EFR3B: variants seen among roughly 807,000 people sequenced by gnomAD.
EFR3B encodes EFR3 homolog B, also known as protein EFR3 homolog B.
In EFR3B, 64 loss-of-function variants were observed where a neutral mutation model predicts 104.7. The ratio of observed to expected loss-of-function variants is 0.61; its 90% CI spans 0.50 to 0.75. The LOEUF is 0.75. Among genes scored for constraint, EFR3B ranks in the 30% least tolerant of loss-of-function variants. EFR3B has a pLI of 0.00. For synonymous variants in EFR3B, 385 were observed against 417.9 expected, an observed-to-expected ratio of 0.92 and a Z score of 0.96; for missense variants, 750 against 1,078.5, an observed-to-expected ratio of 0.70 and a Z score of 4.27.
chr2:25,103,343 T>C lies in EFR3B; in HGVS notation c.213-294T>C, dbSNP rs79144705. Among the ~76,000 whole-genome samples the C allele has an allele frequency of 0.018, 2,773 of 152,332 alleles. 237 individuals are homozygous for C. In the East Asian group the frequency reaches 0.27, roughly 15 times the overall value. ...TATTGTGAGCATCAATCTTGCTCTT[T>C]GTGTTGACTCATGAAATGCTCTATC... On this transcript the variant is annotated intron_variant, in intron 3 of 22. Transcript: ENST00000403714.
At chr2:25,054,771 A>G (rs1008870597) in intron 1 of EFR3B, among the ~76,000 whole-genome samples, 7 of 152,186 alleles carry the variant, frequency 4.6e-5, no homozygotes, top group African/African-American at 1.7e-4. Flanking sequence ...GGGCTCCTGC[A>G]ATACTGAGGA....
chr2:25,092,869 C>G (rs759472679), intron 2 of EFR3B, 134 bp from the exon 3 acceptor site: 40 of 1,146,050 alleles, frequency 3.5e-5, no homozygotes, highest in Non-Finnish European at 4.4e-5. Context: ...GTCTCTGAAA[C>G]CCACATGTGC....
At chr2:25,085,853 C>T (rs1365933151) in intron 1 of EFR3B, among the ~76,000 whole-genome samples, 1 of 150,682 alleles carries the variant, frequency 6.6e-6, no homozygotes, top group Non-Finnish European at 1.5e-5. Context: ...TGCCTGGCTT[C>T]ATATATTTAT....
rs767234702 is a variant in EFR3B, at chr2:25,136,481, C to T, written c.1485-42C>T. On this transcript the variant is annotated intron_variant, in intron 13 of 22. Transcript: ENST00000403714. The surrounding 1 kb of genome is among the most constrained non-coding windows in gnomAD (Gnocchi z 4.0). ...GTGACCCCGTGTGAGCTCAGGCTGG[C>T]CTCATGCAAGGGCTAAGGAGGCCCT... The T allele has an allele frequency of 1.3e-6, 2 of 1,507,382 alleles. No individual in the cohort carries two copies. The highest frequency in any genetic ancestry group is 2.4e-5 in the South Asian group (2 of 83,224). The allele number at this position is 1,507,382 out of a possible 1,614,324, so 93.4% of individuals were successfully genotyped here. A position where few individuals can be genotyped will look rare whatever the true frequency, so the allele number is the denominator to read the frequency against.
intron 1 of EFR3B, among the ~76,000 whole-genome samples, chr2:25,047,743 G>A (rs537901621): frequency 4.6e-5 from 7 of 152,138 alleles, no homozygotes; most frequent in South Asian, 2.1e-4. Flanking sequence ...ACACTGATAC[G>A]CTCACCTTGG....
intron 1 of EFR3B, among the ~76,000 whole-genome samples, chr2:25,091,020 C>T (rs576842762): frequency 1.3e-5 from 2 of 152,298 alleles, no homozygotes; most frequent in African/African-American, 2.4e-5. Flanking sequence ...CTCCCACCCA[C>T]GAAGCCTCAC....
At chr2:25,116,729 C>A (rs1050380032) in intron 4 of EFR3B, among the ~76,000 whole-genome samples, 5 of 151,412 alleles carry the variant, frequency 3.3e-5, no homozygotes, top group African/African-American at 1.2e-4. Flanking sequence ...AAGGAGAGAG[C>A]AAGGGAGTTT....
chr2:25,066,115 C>G (rs1338111945), intron 1 of EFR3B, among the ~76,000 whole-genome samples: 2 of 152,024 alleles, frequency 1.3e-5, no homozygotes, highest in Non-Finnish European at 2.9e-5. Flanking sequence ...GATATCCCCC[C>G]ACCTCCCCAC....
At chr2:25,047,718 C>T (rs751085941) in intron 1 of EFR3B, among the ~76,000 whole-genome samples, 5 of 151,998 alleles carry the variant, frequency 3.3e-5, no homozygotes, top group East Asian at 3.9e-4. Flanking sequence ...AGGCTAGTCT[C>T]GAACTCCTGA....
chr2:25,131,931 C>CG lies in EFR3B; in HGVS notation c.1147+24dup. The CG allele has an allele frequency of 1.5e-6, 1 of 669,412 alleles. No homozygotes were observed. The highest frequency in any genetic ancestry group is 1.8e-6 in the Non-Finnish European group (1 of 543,638). 41.5% of individuals were successfully genotyped at this position (669,412 alleles called of 1,614,324 possible). ...CCGTGGGTGCGGCGCGGGGCCGGGCCGGGGCGGGGCGGGGCCGAGGCGCGG... is the reference window on the plus strand; with the variant it reads ...CCGTGGGTGCGGCGCGGGGCCGGGCCGGGGGCGGGGCGGGGCCGAGGCGCGG... On this transcript the variant is annotated intron_variant, in intron 10 of 22. Transcript: ENST00000403714. The surrounding 1 kb of genome is among the most constrained non-coding windows in gnomAD (Gnocchi z 7.6).
At chr2:25,123,373 AC>A (rs1425888465) in intron 5 of EFR3B, among the ~76,000 whole-genome samples, 1 of 151,740 alleles carries the variant, frequency 6.6e-6, no homozygotes, top group African/African-American at 2.4e-5. Flanking sequence ...AAAAAAAAAA[AC>A]AATTAATCAC....
At chr2:25,106,410 C>T (rs1669565191) in intron 4 of EFR3B, among the ~76,000 whole-genome samples, 1 of 151,998 alleles carries the variant, frequency 6.6e-6, no homozygotes, top group African/African-American at 2.4e-5. Flanking sequence ...CTACTTCAGC[C>T]TCTCCAGTAG....
At chr2:25,045,552 C>T (rs926001623) in intron 1 of EFR3B, among the ~76,000 whole-genome samples, 12 of 152,112 alleles carry the variant, frequency 7.9e-5, no homozygotes, top group South Asian at 2.1e-4. Context: ...GAGGCTGAGG[C>T]GGGCAGATCA....
chr2:25,059,581 G>C lies in EFR3B; in HGVS notation c.7+17262G>C, dbSNP rs796463853. 4.9e-3 allele frequency among the ~76,000 whole-genome samples: 680 copies of C among 139,996 alleles called. 50 individuals carry two copies. The highest frequency in any genetic ancestry group is 8.2e-3 in the Non-Finnish European group (532 of 64,896). 91.8% of individuals were successfully genotyped at this position (139,996 alleles called of 152,430 possible). On this transcript the variant is annotated intron_variant, in intron 1 of 22. Transcript: ENST00000403714. ...AGGTTACCAGGGACTGCGGGGGGGG[G>C]GGGGGTGGAGATTGGGGAATTGTTG...
intron 5 of EFR3B, among the ~76,000 whole-genome samples, chr2:25,127,181 G>A (rs1314826660): frequency 9.6e-6 from 1 of 104,620 alleles, no homozygotes; most frequent in Non-Finnish European, 1.7e-5. Flanking sequence ...GACAGAGCCA[G>A]ACTCCACCTC....
rs1189698703 is a variant in EFR3B at position 25,130,159 on chromosome 2, T to A, written c.770+50T>A. On this transcript the variant is annotated intron_variant, in intron 7 of 22. Transcript: ENST00000403714. This position sits in a 1 kb window ranked among gnomAD's most constrained non-coding sequence, Gnocchi z 4.6. ...GGCCCCAGCCTTCAGCCTGGATGTG[T>A]TTCAGGTCCCTGGCATCTCCTGGCT... 1 of 1,548,866 alleles carries A rather than the reference T, an allele frequency of 6.5e-7. No individual in the cohort carries two copies. The highest frequency in any genetic ancestry group is 8.7e-7 in the Non-Finnish European group (1 of 1,144,726).
chr2:25,052,496 CTTTTT>C (rs56005417), intron 1 of EFR3B, among the ~76,000 whole-genome samples: 1 of 95,710 alleles, frequency 1.0e-5, no homozygotes, highest in South Asian at 3.4e-4. Flanking sequence ...AGGCAGAATT[CTTTTT>C]TTTTTTTTTT....
At chr2:25,055,641 C>T (rs1667997002) in intron 1 of EFR3B, among the ~76,000 whole-genome samples, 1 of 152,198 alleles carries the variant, frequency 6.6e-6, no homozygotes, top group Non-Finnish European at 1.5e-5. Flanking sequence ...AAAAGAAATA[C>T]TGTTTGTACA....
chr2:25,135,359 G>C lies in EFR3B; in HGVS notation c.1312-108G>C, dbSNP rs928977461. 2.9e-5 allele frequency: 38 copies of C among 1,310,554 alleles called. No individual in the cohort carries two copies. In the African/African-American group the frequency reaches 4.0e-4, roughly 14 times the overall value. The allele number at this position is 1,310,554 out of a possible 1,614,324, so 81.2% of individuals were successfully genotyped here. ...GGGAGGCTGGATTGGGCGATGTCTA[G>C]AGAGGATGTGTACATCAGACCTGAC... On this transcript the variant is annotated intron_variant, in intron 12 of 22. Transcript: ENST00000403714.
Sources: gnomAD v4.1 joint callset for allele counts (sites outside exome capture counted in the v4.1 genomes callset) on GRCh38, gnomAD v4.1.1 for gene constraint, Gnocchi (gnomAD v3.1) non-coding constraint, MANE v1.5 for transcripts, NCBI Gene and HGNC (gene_info 2026-07-23, HGNC 2026-07-21) for gene names.